The following GNG2 variants were observed in gnomAD, a reference collection of about 807,000 sequenced individuals.
The protein encoded by GNG2 is guanine nucleotide-binding protein G(I)/G(S)/G(O) subunit gamma-2.
Under a neutral mutation model 5.5 loss-of-function variants are expected in GNG2, and 5 were observed. The observed-to-expected ratio is 0.91, with a 90% confidence interval of 0.48 to 1.92. GNG2 has a LOEUF of 1.92. Ranked by LOEUF, GNG2 falls within the 30% of genes most tolerant of loss-of-function variation. The pLI, the probability that GNG2 is intolerant of heterozygous loss-of-function variation, is 0.01. For missense variants in GNG2, 55 were observed against 88.4 expected, an observed-to-expected ratio of 0.62 and a Z score of 1.52; for synonymous variants, 28 against 32.0, an observed-to-expected ratio of 0.88 and a Z score of 0.42.
intron 2 of GNG2, among the ~76,000 whole-genome samples, chr14:51,851,687 G>A (rs1430001621): frequency 6.6e-6 from 1 of 152,168 alleles, no homozygotes; most frequent in East Asian, 1.9e-4. Context: ...AATGAAATGG[G>A]AGTCTGTCTC....
chr14:51,924,203 GC>G (rs1409934848), intron 2 of GNG2, among the ~76,000 whole-genome samples: 2 of 152,132 alleles, frequency 1.3e-5, no homozygotes, highest in African/African-American at 4.8e-5. Context: ...ATTCACTTGA[GC>G]CCGGTTTCTT....
At chr14:51,872,561 G>A (rs757797027) in intron 1 of GNG2, among the ~76,000 whole-genome samples, 1 of 152,150 alleles carries the variant, frequency 6.6e-6, no homozygotes, top group Non-Finnish European at 1.5e-5. Context: ...ATTAGGTAAT[G>A]TTCCCTCTCA....
At chr14:51,956,742 A>G (rs1342918242) in intron 3 of GNG2, among the ~76,000 whole-genome samples, 1 of 152,148 alleles carries the variant, frequency 6.6e-6, no homozygotes, top group Non-Finnish European at 1.5e-5. Context: ...GTGTATAGGC[A>G]ATGACAGCCT....
intron 3 of GNG2, among the ~76,000 whole-genome samples, chr14:51,960,301 C>T (rs946724701): frequency 6.6e-6 from 1 of 152,050 alleles, no homozygotes; most frequent in Non-Finnish European, 1.5e-5. Flanking sequence ...TTTTTCACCT[C>T]ATTGTATTTT....
In GNG2 at chr14:51,925,611, T is replaced by C. The variant is rs141427424; in HGVS notation, c.-29-25039T>C. On this transcript the variant is annotated intron_variant, in intron 2 of 3. Transcript: ENST00000556766. ...ATGCAAGACCTGACATTGAAGTCTT[T>C]TCTTTTATATTATTTTTTGAGACAG... Among the ~76,000 whole-genome samples the C allele has an allele frequency of 7.2e-4, 110 of 152,222 alleles. 1 individual carries two copies. The highest frequency in any genetic ancestry group is 1.9e-3 in the African/African-American group (79 of 41,536).
At chr14:51,871,908 A>G (rs977251411) in intron 1 of GNG2, among the ~76,000 whole-genome samples, 1 of 152,216 alleles carries the variant, frequency 6.6e-6, no homozygotes, top group Non-Finnish European at 1.5e-5. Context: ...AGCTCAGGAT[A>G]GGCTTCCACT....
At chr14:51,894,597 T>C (rs1023348089) in intron 2 of GNG2, among the ~76,000 whole-genome samples, 3 of 152,148 alleles carry the variant, frequency 2.0e-5, no homozygotes, top group African/African-American at 7.2e-5. Flanking sequence ...AGATCAGTCA[T>C]GATGTTAAGA....
rs915315207 is a variant in GNG2, at chr14:51,927,476, C to A, written c.-29-23174C>A. Among the ~76,000 whole-genome samples, 3 of 152,208 alleles carry A rather than the reference C, an allele frequency of 2.0e-5. No individual in the cohort carries two copies. The East Asian group carries it at 5.8e-4, about 29-fold the overall frequency. Reference sequence around the variant, plus strand: ...AGTACTATAAACTAAAATTTTCTTTCTCTCTGAAAAACAAAAAAATGCCTC... The same window carrying A: ...AGTACTATAAACTAAAATTTTCTTTATCTCTGAAAAACAAAAAAATGCCTC... On this transcript the variant is annotated intron_variant, in intron 2 of 3. Coordinates refer to ENST00000556766, the MANE Select transcript of GNG2 (RefSeq NM_053064.5).
chr14:51,920,828 C>T (rs1389882731), intron 2 of GNG2, among the ~76,000 whole-genome samples: 1 of 152,064 alleles, frequency 6.6e-6, no homozygotes, highest in African/African-American at 2.4e-5. Flanking sequence ...TTTCCATAGC[C>T]CCAATAAATT....
intron 2 of GNG2, among the ~76,000 whole-genome samples, chr14:51,947,504 G>A (rs575195929): frequency 6.6e-6 from 1 of 152,196 alleles, no homozygotes; most frequent in South Asian, 2.1e-4. Flanking sequence ...TTTAAAGATG[G>A]AGGAAAGGGC....
chr14:51,874,734 C>CA lies in GNG2; in HGVS notation c.-70-2871dup, dbSNP rs539123057. Among the ~76,000 whole-genome samples the CA allele has an allele frequency of 1.6e-3, 216 of 135,168 alleles. 1 individual carries two copies. The highest frequency in any genetic ancestry group is 3.8e-3 in the Middle Eastern group (1 of 260). 88.7% of individuals were successfully genotyped at this position (135,168 alleles called of 152,430 possible). A position where few individuals can be genotyped will look rare whatever the true frequency, so the allele number is the denominator to read the frequency against. ...TGGGTGACAGAGCAAGACTCTGTCT[C>CA]AAAAAAAAAAAAGTCGGGTATCCTC... On this transcript the variant is annotated intron_variant, in intron 1 of 3. Coordinates refer to ENST00000556766, the MANE Select transcript of GNG2 (RefSeq NM_053064.5).
intron 3 of GNG2, among the ~76,000 whole-genome samples, chr14:51,957,338 C>A (rs531634069): frequency 6.6e-6 from 1 of 152,124 alleles, no homozygotes; most frequent in Non-Finnish European, 1.5e-5. Flanking sequence ...CTTCTAGCAA[C>A]GGCCTCAATT....
chr14:51,878,172 T>C (rs2140135404), intron 2 of GNG2: 1 of 153,372 alleles, frequency 6.5e-6, no homozygotes, highest in East Asian at 1.9e-4. Flanking sequence ...GAACTAGCTA[T>C]AGCATTTGAA....
chr14:51,840,423 T>C (rs1652675024), intron 2 of GNG2, among the ~76,000 whole-genome samples: 1 of 152,176 alleles, frequency 6.6e-6, no homozygotes, highest in Non-Finnish European at 1.5e-5. Context: ...CCTCCCTCTT[T>C]ATTGGGCAGA....
intron 2 of GNG2, among the ~76,000 whole-genome samples, chr14:51,942,005 T>C (rs1275542938): frequency 2.0e-5 from 3 of 152,238 alleles, no homozygotes; most frequent in Non-Finnish European, 2.9e-5. Context: ...TTTTGCTATT[T>C]GTATCTTTTT....
At chr14:51,877,386 A>G (rs1883748212) in intron 1 of GNG2, among the ~76,000 whole-genome samples, 1 of 152,184 alleles carries the variant, frequency 6.6e-6, no homozygotes, top group African/African-American at 2.4e-5. Flanking sequence ...AGATTTCACA[A>G]AGAAAGGGAC....
intron 1 of GNG2, among the ~76,000 whole-genome samples, chr14:51,862,056 GCCT>G (rs1882527636): frequency 1.3e-5 from 2 of 152,140 alleles, no homozygotes; most frequent in African/African-American, 4.8e-5. Context: ...GTATGTATAT[GCCT>G]CCTCCTTTAT....
At chr14:51,905,732 G>T (rs910011095) in intron 2 of GNG2, among the ~76,000 whole-genome samples, 20 of 152,206 alleles carry the variant, frequency 1.3e-4, no homozygotes, top group Non-Finnish European at 2.6e-4. Flanking sequence ...TGTTGTGGGA[G>T]GGACCAGGTG....
At chr14:51,939,240 A>T (rs1044002199) in intron 2 of GNG2, among the ~76,000 whole-genome samples, 1 of 152,222 alleles carries the variant, frequency 6.6e-6, no homozygotes, top group African/African-American at 2.4e-5. Context: ...CAAGTCTCAG[A>T]TAAAAACTAA....
Sources: gnomAD v4.1 joint callset for allele counts (sites outside exome capture counted in the v4.1 genomes callset) on GRCh38, gnomAD v4.1.1 for gene constraint, MANE v1.5 for transcripts, NCBI Gene and HGNC (gene_info 2026-07-23, HGNC 2026-07-21) for gene names.